PKHD1L1: variants seen among roughly 807,000 people sequenced by gnomAD.
The protein encoded by PKHD1L1 is PKHD1 like 1.
In PKHD1L1, 434 loss-of-function variants were observed where a neutral mutation model predicts 462.9. The ratio of observed to expected loss-of-function variants is 0.94; its 90% confidence interval spans 0.87 to 1.02. The LOEUF is 1.02. Among genes scored for constraint, PKHD1L1 ranks in the 50% least tolerant of loss-of-function variants. The pLI is 0.00. For missense variants in PKHD1L1, 5,202 were observed against 5,096.1 expected (o/e 1.02, Z -0.63); for synonymous variants, 1,781 against 1,750.0 (o/e 1.02, Z -0.44).
rs536975683 is a variant in PKHD1L1 at position 109,462,102 on chromosome 8, G to A, written c.7383+194G>A. ...CTCAAATTTTCTCACACCTCGAATCGAATTAATCAGCATTTCTATCTTCTC... is the reference window on the plus strand; with the variant it reads ...CTCAAATTTTCTCACACCTCGAATCAAATTAATCAGCATTTCTATCTTCTC... On this transcript the variant is annotated intron_variant, in intron 48 of 77. Transcript: ENST00000378402. Among the ~76,000 whole-genome samples, 21 of 152,074 alleles carry A rather than the reference G, an allele frequency of 1.4e-4. No individual in the cohort carries two copies. The South Asian group carries it at 3.3e-3, about 24-fold the overall frequency.
Position 109,442,313 on chromosome 8 carries a change from G to A in PKHD1L1, c.4393+118G>A, listed in dbSNP as rs547009254. On this transcript the variant is annotated intron_variant, in intron 35 of 77. Transcript: ENST00000378402. ...ATAAATAATATACACAAATGCGTAA[G>A]GTATTTGGCATTTTATTGCTGCAGT... is the stretch of plus-strand genomic sequence containing the variant. 5 of 993,976 alleles carry A rather than the reference G, an allele frequency of 5.0e-6. No individual in the cohort carries two copies. In the South Asian group the frequency reaches 8.0e-5, roughly 16 times the overall value. The allele number at this position is 993,976 out of a possible 1,614,324, so 61.6% of individuals were successfully genotyped here. A position where few individuals can be genotyped will look rare whatever the true frequency, so the allele number is the denominator to read the frequency against.
intron 20 of PKHD1L1, among the ~76,000 whole-genome samples, chr8:109,412,954 A>T (rs1322833345): frequency 6.6e-6 from 1 of 152,058 alleles, no homozygotes; most frequent in African/African-American, 2.4e-5. Flanking sequence ...ATGCTTAAGG[A>T]CTTGGGGACC....
intron 22 of PKHD1L1, among the ~76,000 whole-genome samples, chr8:109,419,609 T>A (rs2130641157): frequency 6.6e-6 from 1 of 152,302 alleles, no homozygotes; most frequent in South Asian, 2.1e-4. Flanking sequence ...AAAATGCAAC[T>A]ACTGACATTG....
intron 70 of PKHD1L1, among the ~76,000 whole-genome samples, chr8:109,508,759 T>C (rs1304988809): frequency 6.6e-6 from 1 of 152,150 alleles, no homozygotes; most frequent in Admixed American, 6.6e-5. Context: ...TTTTTTCGTC[T>C]CTAATTCCTT....
At chr8:109,397,349 G>A (rs189921878) in intron 11 of PKHD1L1, among the ~76,000 whole-genome samples, 4 of 152,020 alleles carry the variant, frequency 2.6e-5, no homozygotes, top group Admixed American at 2.6e-4. Flanking sequence ...CCTTTTTTCT[G>A]GTTCAAATTT....
chr8:109,442,290 A>T, intron 35 of PKHD1L1, 95 bp downstream of exon 35: 2 of 1,196,168 alleles, frequency 1.7e-6, no homozygotes, highest in South Asian at 3.4e-5. Flanking sequence ...ATTTTTACAT[A>T]AATAATATAC....
intron 3 of PKHD1L1, 47 bp downstream of exon 3, chr8:109,381,561 A>C: frequency 7.3e-7 from 1 of 1,374,714 alleles, no homozygotes; most frequent in Admixed American, 2.3e-5. Context: ...TCATATCAGA[A>C]GTTACAGTTA....
chr8:109,394,638 G>T (rs1489025412), intron 10 of PKHD1L1, among the ~76,000 whole-genome samples, 153 bp downstream of exon 10: 1 of 152,100 alleles, frequency 6.6e-6, no homozygotes, highest in Non-Finnish European at 1.5e-5. Context: ...AGTCTAACAG[G>T]AAGCTACAAC....
In PKHD1L1 at chr8:109,443,704, C is replaced by T. The variant is rs758725443; in HGVS notation, c.4593C>T (p.Ser1531=). The T allele has an allele frequency of 9.5e-5, 154 of 1,613,202 alleles. 2 individuals are homozygous for T. The South Asian group carries it at 1.6e-3, about 16-fold the overall frequency. Residue 1531 remains serine, a synonymous_variant, in exon 37 of 78, where the codon AGC becomes AGT. Coordinates refer to ENST00000378402, the MANE Select transcript of PKHD1L1 (RefSeq NM_177531.6). ...GACCTGAGAATTTGCACTTGGGAAGCTCTGTGGCAGGCTGCCTAGCAACAG... is the reference window on the plus strand; with the variant it reads ...GACCTGAGAATTTGCACTTGGGAAGTTCTGTGGCAGGCTGCCTAGCAACAG... The part of the protein sequence containing the change: ...YGGPENLHLG[S]SVAGCLATEP...
chr8:109,404,811 T>C, intron 15 of PKHD1L1, 98 bp downstream of exon 15: 1 of 1,271,630 alleles, frequency 7.9e-7, no homozygotes, highest in Middle Eastern at 1.9e-4. Context: ...CTGTTTTAGG[T>C]GAAAGCAGTC....
Position 109,515,256 on chromosome 8 carries a change from A to T in PKHD1L1, c.11640A>T (p.Ile3880=). The part of the protein sequence containing the change: ...NNLLVCPKTT[I]WNAQQKHCEL... ...TATTGGTCTGTCCAAAAACTACAAT[A>T]TGGAATGCCCAGCAGAAACACTGTG... The change falls in exon 72 of 78, where the codon ATA becomes ATT. Residue 3880 remains isoleucine, a synonymous_variant. Transcript: ENST00000378402. 6.2e-7 allele frequency: 1 copy of T among 1,603,884 alleles called. No homozygotes were observed. Among genetic ancestry groups the T allele is most frequent in the Non-Finnish European group, 8.5e-7 (1 of 1,173,788 alleles).
At position 109,448,366 on chromosome 8, in the gene PKHD1L1, T is replaced by C. The variant is rs1417303460; in HGVS notation, c.6000T>C (p.Asn2000=). ...CAGTTGTATTTGAGTACCCGCTTAA[T>C]ATTCAAAATATTAATCCAAGCCAAG... is the stretch of plus-strand genomic sequence containing the variant. ...MSTVVFEYPL[N]IQNINPSQGS... Residue 2000 remains asparagine (N), a synonymous_variant, in exon 39 of 78, where the codon AAT becomes AAC. Coordinates refer to ENST00000378402, the MANE Select transcript of PKHD1L1 (RefSeq NM_177531.6). The C allele has an allele frequency of 6.2e-7, 1 of 1,612,916 alleles. No individual in the cohort carries two copies.
chr8:109,500,527 A>C (rs1342911909), intron 67 of PKHD1L1, among the ~76,000 whole-genome samples: 1 of 135,230 alleles, frequency 7.4e-6, no homozygotes, highest in South Asian at 3.0e-4. Context: ...ATACAAAAAA[A>C]AAAAAAAAAA....
chr8:109,411,333 G>A (rs1019233314), intron 19 of PKHD1L1, among the ~76,000 whole-genome samples: 3 of 152,090 alleles, frequency 2.0e-5, no homozygotes, highest in Non-Finnish European at 4.4e-5. Context: ...AATAAAAAAT[G>A]TATACTCTAG....
In PKHD1L1 at chr8:109,398,518, A is replaced by T. The variant is rs746341042; in HGVS notation, c.982A>T (p.Lys328Ter). The T allele has an allele frequency of 1.9e-6, 3 of 1,574,150 alleles. No individual in the cohort carries two copies. The South Asian group carries it at 3.5e-5, about 18-fold the overall frequency. ...ENSICCKTPPKPHILKTVYPG... is the reference protein window; with the variant it reads ...ENSICCKTPP The stretch of plus-strand genomic sequence containing the variant: ...TAGTATATGTTGCAAGACACCCCCC[A>T]AACCTCATATTCTCAAAACTGTATA... The change falls in exon 12 of 78, where the codon AAA becomes TAA. Residue 328 changes from lysine to a stop codon, truncating the protein, a stop_gained. Coordinates refer to ENST00000378402, the MANE Select transcript of PKHD1L1 (RefSeq NM_177531.6). LOFTEE classifies it high-confidence loss of function.
rs771277646 is a variant in PKHD1L1, at chr8:109,382,545, A to G, written c.391A>G (p.Ile131Val). 7.6e-5 allele frequency: 122 copies of G among 1,612,214 alleles called. No individual in the cohort carries two copies. The East Asian group carries it at 2.6e-3, about 34-fold the overall frequency. ...GGAAAATAACACCTGCAAAGGTCAC[A>G]TCAACAGCTGGGAATGTACCTTCAA... ...VTENNTCKGH[I>V]NSWECTFNAK... is the part of the protein sequence containing the mutation. The change falls in exon 4 of 78, where the codon ATC becomes GTC. Residue 131 changes from isoleucine to valine, a missense_variant. Physicochemically the swap from Ile to Val is conservative, Grantham distance 29. Around this residue, in one of 3 missense-constraint regions of PKHD1L1, gnomAD observed 4,497 missense variants for 4,336.8 expected, o/e 1.04. Coordinates refer to ENST00000378402, the MANE Select transcript of PKHD1L1 (RefSeq NM_177531.6).
intron 19 of PKHD1L1, among the ~76,000 whole-genome samples, chr8:109,410,297 A>G (rs116394414): frequency 4.7e-4 from 71 of 152,318 alleles, no homozygotes; most frequent in African/African-American, 1.7e-3. Flanking sequence ...ATAAAGAAAT[A>G]CCTTAGACTG....
chr8:109,378,832 G>T (rs1365190605), intron 2 of PKHD1L1, among the ~76,000 whole-genome samples: 1 of 152,216 alleles, frequency 6.6e-6, no homozygotes, highest in Non-Finnish European at 1.5e-5. Context: ...TTGGAATCCA[G>T]AAATTAGAAT....
chr8:109,513,093 T>G (rs570628015), intron 71 of PKHD1L1, among the ~76,000 whole-genome samples: 9 of 151,534 alleles, frequency 5.9e-5, no homozygotes, highest in Non-Finnish European at 7.4e-5. Flanking sequence ...AAGGAGATTT[T>G]GGGCTGAGAC....
Sources: gnomAD v4.1 joint callset for allele counts (sites outside exome capture counted in the v4.1 genomes callset) on GRCh38, gnomAD v4.1.1 for gene constraint, gnomAD v4.1.1 regional missense constraint, MANE v1.5 for transcripts, NCBI Gene and HGNC (gene_info 2026-07-23, HGNC 2026-07-21) for gene names.